CAMKMT: variants seen among roughly 807,000 people sequenced by gnomAD.
The protein encoded by CAMKMT is calmodulin-lysine N-methyltransferase, also known as CaM KMT.
In CAMKMT, 53 loss-of-function variants were observed where a neutral mutation model predicts 48.0. The observed-to-expected ratio is 1.10, with a 90% CI of 0.89 to 1.39. The LOEUF (loss-of-function observed/expected upper bound fraction) is 1.39. CAMKMT is among the 40% of genes most tolerant of loss of function. The probability of loss-of-function intolerance (pLI) is 0.00; values close to 1 mark genes in which losing one functional copy is unlikely to be tolerated. For missense variants in CAMKMT, 428 were observed against 402.7 expected (o/e 1.06, Z -0.54); for synonymous variants, 165 against 152.3 (o/e 1.08, Z -0.61).
chr2:44,445,253 C>T (rs1204295085), intron 3 of CAMKMT, among the ~76,000 whole-genome samples: 1 of 152,094 alleles, frequency 6.6e-6, no homozygotes, highest in African/African-American at 2.4e-5. Context: ...CCATGAGTGG[C>T]ACCTGTTATG....
At chr2:44,701,376 T>C (rs1303494146) in intron 3 of CAMKMT, among the ~76,000 whole-genome samples, 1 of 152,212 alleles carries the variant, frequency 6.6e-6, no homozygotes, top group Non-Finnish European at 1.5e-5. Context: ...TTCACTGAGA[T>C]AACTTTTAAA....
At chr2:44,771,990 C>G (rs1204958111) in intron 10 of CAMKMT, 46 bp from the exon 11 acceptor site, 2 of 1,282,246 alleles carry the variant, frequency 1.6e-6, no homozygotes, top group Non-Finnish European at 1.1e-6. Flanking sequence ...GGTAAAGATC[C>G]CTAATTGGAG....
At chr2:44,761,290 T>C (rs1680606137) in intron 9 of CAMKMT, among the ~76,000 whole-genome samples, 1 of 151,934 alleles carries the variant, frequency 6.6e-6, no homozygotes, top group African/African-American at 2.4e-5. Flanking sequence ...ACAGGATACA[T>C]AAAAGAACAG....
chr2:44,433,312 G>C (rs1684758715), intron 3 of CAMKMT, among the ~76,000 whole-genome samples: 1 of 152,140 alleles, frequency 6.6e-6, no homozygotes, highest in African/African-American at 2.4e-5. Flanking sequence ...ATTCATGACT[G>C]ATGCAATAGA....
At chr2:44,735,882 G>C (rs899739118) in intron 7 of CAMKMT, among the ~76,000 whole-genome samples, 2 of 151,688 alleles carry the variant, frequency 1.3e-5, no homozygotes, top group Non-Finnish European at 2.9e-5. Flanking sequence ...TACTGTACTC[G>C]AGCCTGCTCT....
At chr2:44,735,716 T>C (rs1558826179) in intron 7 of CAMKMT, among the ~76,000 whole-genome samples, 2 of 150,962 alleles carry the variant, frequency 1.3e-5, no homozygotes, top group Admixed American at 1.3e-4. Context: ...AGCCTGGCCA[T>C]CATGATGAAA....
At chr2:44,566,205 C>T (rs1414180071) in intron 3 of CAMKMT, among the ~76,000 whole-genome samples, 1 of 152,124 alleles carries the variant, frequency 6.6e-6, no homozygotes, top group Non-Finnish European at 1.5e-5. Context: ...TTGGGATCCC[C>T]CTGGACATAA....
intron 3 of CAMKMT, among the ~76,000 whole-genome samples, chr2:44,628,888 G>A (rs982114281): frequency 2.0e-5 from 3 of 152,210 alleles, no homozygotes; most frequent in Middle Eastern, 3.4e-3. Flanking sequence ...ATAGAGTCTG[G>A]ATAATTTCAA....
At chr2:44,623,870 A>G (rs566025435) in intron 3 of CAMKMT, among the ~76,000 whole-genome samples, 1 of 152,334 alleles carries the variant, frequency 6.6e-6, no homozygotes, top group South Asian at 2.1e-4. Context: ...TTGTAGAATT[A>G]TATATAAATG....
chr2:44,398,439 T>C lies in CAMKMT; in HGVS notation c.376+8134T>C, dbSNP rs573825144. Among the ~76,000 whole-genome samples, 6 of 152,230 alleles carry C rather than the reference T, an allele frequency of 3.9e-5. No homozygotes were observed. The East Asian group carries it at 1.2e-3, about 29-fold the overall frequency. ...GCTCTCCAGGGTTTCTGCAAGGTAG[T>C]TGACAATCTAATGGAATGGGGATTT... is the stretch of plus-strand genomic sequence containing the variant. On this transcript the variant is annotated intron_variant, in intron 3 of 10. Transcript: ENST00000378494.
chr2:44,380,522 G>T (rs750296241), intron 2 of CAMKMT, among the ~76,000 whole-genome samples: 1 of 152,014 alleles, frequency 6.6e-6, no homozygotes, highest in Non-Finnish European at 1.5e-5. Context: ...ACAAGAGCTT[G>T]TAGACTTGAC....
At chr2:44,696,625 G>C (rs774964845) in intron 3 of CAMKMT, among the ~76,000 whole-genome samples, 10 of 152,028 alleles carry the variant, frequency 6.6e-5, no homozygotes, top group African/African-American at 2.4e-4. Context: ...AAAGCCAGGT[G>C]GAGTGACTAA....
chr2:44,649,064 A>C (rs1343641354), intron 3 of CAMKMT, among the ~76,000 whole-genome samples: 3 of 152,236 alleles, frequency 2.0e-5, no homozygotes, highest in African/African-American at 7.2e-5. Context: ...TAATGAAACA[A>C]AAATCACACA....
intron 3 of CAMKMT, among the ~76,000 whole-genome samples, chr2:44,674,695 T>C (rs949233869): frequency 2.0e-5 from 3 of 152,240 alleles, no homozygotes; most frequent in Non-Finnish European, 4.4e-5. Context: ...TACAAAGTTA[T>C]ATTACATTGA....
chr2:44,416,978 G>T (rs953331381), intron 3 of CAMKMT, among the ~76,000 whole-genome samples: 2 of 151,876 alleles, frequency 1.3e-5, no homozygotes, highest in African/African-American at 4.8e-5. Flanking sequence ...CTGTTGCCCA[G>T]GCTGGAGTGT....
chr2:44,399,728 T>C (rs1272585059), intron 3 of CAMKMT, among the ~76,000 whole-genome samples: 1 of 152,138 alleles, frequency 6.6e-6, no homozygotes, highest in Non-Finnish European at 1.5e-5. Context: ...CATGATAGAA[T>C]TGAGGAAGAC....
intron 9 of CAMKMT, among the ~76,000 whole-genome samples, chr2:44,757,797 C>T (rs1030123857): frequency 5.9e-5 from 9 of 152,102 alleles, no homozygotes; most frequent in African/African-American, 1.9e-4. Flanking sequence ...CTCCTGACCT[C>T]GTGATCCACC....
At chr2:44,380,698 C>T (rs1680152224) in intron 2 of CAMKMT, among the ~76,000 whole-genome samples, 1 of 152,174 alleles carries the variant, frequency 6.6e-6, no homozygotes, top group Non-Finnish European at 1.5e-5. Context: ...TGATTATTAA[C>T]ATTATTCTTT....
intron 3 of CAMKMT, among the ~76,000 whole-genome samples, chr2:44,496,637 A>G (rs189132536): frequency 3.7e-4 from 57 of 152,348 alleles, no homozygotes; most frequent in African/African-American, 1.3e-3. Flanking sequence ...TTTTAGGTAG[A>G]GTTAATTAAT....
Sources: allele counts gnomAD v4.1 joint callset (sites outside exome capture counted in the v4.1 genomes callset), GRCh38; gene constraint gnomAD v4.1.1; transcripts MANE v1.5; gene names NCBI Gene and HGNC (gene_info 2026-07-23, HGNC 2026-07-21).